GNA14: variants seen among roughly 807,000 people sequenced by gnomAD.
The protein encoded by GNA14 is G protein subunit alpha 14.
A neutral mutation model predicts 42.0 loss-of-function variants in GNA14; 50 were observed. The ratio of observed to expected loss-of-function variants is 1.19; its 90% CI spans 0.95 to 1.51. The LOEUF (loss-of-function observed/expected upper bound fraction) is 1.51. Among genes scored for constraint, GNA14 ranks in the 40% most tolerant of loss-of-function variants. The pLI is 0.00. For missense variants in GNA14, 473 were observed against 446.2 expected, an observed-to-expected ratio of 1.06 and a Z score of -0.54; for synonymous variants, 173 against 163.1, an observed-to-expected ratio of 1.06 and a Z score of -0.46.
At chr9:77,565,912 T>C (rs989312699) in intron 1 of GNA14, among the ~76,000 whole-genome samples, 2 of 152,154 alleles carry the variant, frequency 1.3e-5, no homozygotes, top group African/African-American at 4.8e-5. Context: ...CAGTGGACAC[T>C]ACTATACATC....
chr9:77,436,711 T>C (rs1190385679), intron 2 of GNA14, among the ~76,000 whole-genome samples: 1 of 152,234 alleles, frequency 6.6e-6, no homozygotes, highest in Non-Finnish European at 1.5e-5. Flanking sequence ...TCTGTCTTCA[T>C]GGCAGGCCAG....
At chr9:77,561,900 C>T (rs995927731) in intron 1 of GNA14, among the ~76,000 whole-genome samples, 4 of 152,280 alleles carry the variant, frequency 2.6e-5, no homozygotes, top group Admixed American at 1.3e-4. Context: ...CTAGTTTCTA[C>T]CAGTCAAATA....
intron 1 of GNA14, among the ~76,000 whole-genome samples, chr9:77,642,379 A>G (rs1377036216): frequency 6.6e-6 from 1 of 152,066 alleles, no homozygotes; most frequent in Non-Finnish European, 1.5e-5. Flanking sequence ...AAACCACACA[A>G]TCCTCCTTTC....
chr9:77,431,232 C>T lies in GNA14; in HGVS notation c.593+89G>A. ...TCACTCTGTCCTAAGAGATATAATC[C>T]CTGCTTAGGAATAACACGTTTAAGA... is the stretch of plus-strand genomic sequence containing the variant. On this transcript the variant is annotated intron_variant, in intron 4 of 6. Coordinates refer to ENST00000341700, the MANE Select transcript of GNA14 (RefSeq NM_004297.4). 4.9e-6 allele frequency: 6 copies of T among 1,222,248 alleles called. No individual in the cohort carries two copies. In the Middle Eastern group the frequency reaches 8.1e-4, roughly 166 times the overall value. The allele number at this position is 1,222,248 out of a possible 1,614,324, so 75.7% of individuals were successfully genotyped here. A position where few individuals can be genotyped will look rare whatever the true frequency, so the allele number is the denominator to read the frequency against.
chr9:77,480,574 G>T (rs562701488), intron 2 of GNA14, among the ~76,000 whole-genome samples: 1 of 152,216 alleles, frequency 6.6e-6, no homozygotes, highest in Non-Finnish European at 1.5e-5. Context: ...AAATGAGTTA[G>T]GGAGGGTTCC....
intron 1 of GNA14, among the ~76,000 whole-genome samples, chr9:77,579,950 G>A (rs529297486): frequency 6.6e-6 from 1 of 152,260 alleles, no homozygotes; most frequent in African/African-American, 2.4e-5. Flanking sequence ...AATCTATTAA[G>A]AACCTATTAT....
At chr9:77,618,581 AATATATATAT>A (rs1181899033) in intron 1 of GNA14, among the ~76,000 whole-genome samples, 882 of 42,360 alleles carry the variant, frequency 0.021, 20 homozygotes, top group African/African-American at 0.025. Context: ...ATTACATTTG[AATATATATAT>A]ATATATATAT....
At chr9:77,532,239 G>C (rs6560605) in intron 1 of GNA14, among the ~76,000 whole-genome samples, 2 of 151,916 alleles carry the variant, frequency 1.3e-5, no homozygotes, top group African/African-American at 4.8e-5. Context: ...GTGTATGCAC[G>C]TCCCAGGATA....
chr9:77,641,647 T>C (rs1471717139), intron 1 of GNA14, among the ~76,000 whole-genome samples: 2 of 152,128 alleles, frequency 1.3e-5, no homozygotes, highest in Non-Finnish European at 2.9e-5. Context: ...GTGGAAAAGT[T>C]CCAGATTAAA....
intron 2 of GNA14, among the ~76,000 whole-genome samples, chr9:77,454,323 C>G (rs1003726086): frequency 1.1e-4 from 17 of 152,208 alleles, no homozygotes; most frequent in Non-Finnish European, 2.2e-4. Context: ...TGTGAACCCC[C>G]TTTGTTTTTG....
chr9:77,589,386 G>A lies in GNA14; in HGVS notation c.124+58284C>T, dbSNP rs142564958. On this transcript the variant is annotated intron_variant, in intron 1 of 6. Coordinates refer to ENST00000341700, the MANE Select transcript of GNA14 (RefSeq NM_004297.4). ...TATTCATGCAAAATGGAGTGAGCTC[G>A]GTTTTCTTTTTTTGTTTTGTTTTTT... 7.7e-3 allele frequency among the ~76,000 whole-genome samples: 1,166 copies of A among 152,224 alleles called. 5 individuals are homozygous for A. The highest frequency in any genetic ancestry group is 0.031 in the Middle Eastern group (9 of 294).
intron 2 of GNA14, among the ~76,000 whole-genome samples, chr9:77,447,146 T>G (rs559155147): frequency 6.6e-6 from 1 of 152,118 alleles, no homozygotes; most frequent in Non-Finnish European, 1.5e-5. Flanking sequence ...GGTTTCACCA[T>G]GTTAGCCAGG....
intron 2 of GNA14, among the ~76,000 whole-genome samples, chr9:77,502,776 C>T (rs1836997018): frequency 6.6e-6 from 1 of 152,052 alleles, no homozygotes; most frequent in African/African-American, 2.4e-5. Flanking sequence ...AGACTTCCCT[C>T]TGAGTCTTTG....
intron 2 of GNA14, among the ~76,000 whole-genome samples, chr9:77,442,024 G>A (rs1443984935): frequency 7.2e-6 from 1 of 137,948 alleles, no homozygotes; most frequent in East Asian, 2.1e-4. Flanking sequence ...CTCCCACTAA[G>A]GGCAGCTAGA....
At chr9:77,527,673 G>A (rs1395058602) in intron 2 of GNA14, among the ~76,000 whole-genome samples, 1 of 152,090 alleles carries the variant, frequency 6.6e-6, no homozygotes, top group Non-Finnish European at 1.5e-5. Context: ...CGCTCTTGTT[G>A]CCCAGGCTGG....
At chr9:77,581,002 G>GCACACACACACA (rs3052394) in intron 1 of GNA14, among the ~76,000 whole-genome samples, 12 of 144,280 alleles carry the variant, frequency 8.3e-5, no homozygotes, top group African/African-American at 2.8e-4. Context: ...TACAATAAAG[G>GCACACACACACA]CACACACACA....
chr9:77,521,655 C>T (rs1837356635), intron 2 of GNA14, among the ~76,000 whole-genome samples: 1 of 152,088 alleles, frequency 6.6e-6, no homozygotes. Context: ...ATATACTCTC[C>T]TATGATCCCG....
At chr9:77,433,447 T>C (rs1259921688) in intron 3 of GNA14, among the ~76,000 whole-genome samples, 2 of 151,712 alleles carry the variant, frequency 1.3e-5, no homozygotes, top group African/African-American at 2.4e-5. Context: ...ACTGCAGGAG[T>C]GTAATCATGG....
At chr9:77,450,318 G>C (rs1054636819) in intron 2 of GNA14, among the ~76,000 whole-genome samples, 2 of 152,120 alleles carry the variant, frequency 1.3e-5, no homozygotes. Flanking sequence ...CAAGTGCTCA[G>C]CCTTACCCAT....
Sources: allele counts gnomAD v4.1 joint callset (sites outside exome capture counted in the v4.1 genomes callset), GRCh38; gene constraint gnomAD v4.1.1; transcripts MANE v1.5; gene names NCBI Gene and HGNC (gene_info 2026-07-23, HGNC 2026-07-21).